The following ADCY3 variants were observed in gnomAD, a reference collection of about 807,000 sequenced individuals.
ADCY3 encodes the protein adenylate cyclase type 3.
Under a neutral mutation model 119.4 loss-of-function variants are expected in ADCY3, and 70 were observed. The observed-to-expected ratio is 0.59, with a 90% CI of 0.48 to 0.72. The LOEUF is 0.72. Ranked by LOEUF, ADCY3 falls within the 30% of genes least tolerant of loss-of-function variation. ADCY3 has a pLI of 0.00. For synonymous variants in ADCY3, 672 were observed against 621.4 expected (o/e 1.08, Z -1.21); for missense variants, 1,238 against 1,541.6 (o/e 0.80, Z 3.30).
At chr2:24,856,746 G>C (rs1411868849) in intron 3 of ADCY3, among the ~76,000 whole-genome samples, 1 of 152,234 alleles carries the variant, frequency 6.6e-6, no homozygotes, top group African/African-American at 2.4e-5. Flanking sequence ...GACAGTCACT[G>C]GTCATCTATG....
chr2:24,873,926 CAG>C (rs779784825), intron 2 of ADCY3, among the ~76,000 whole-genome samples: 13 of 152,228 alleles, frequency 8.5e-5, no homozygotes, highest in Non-Finnish European at 1.8e-4. Context: ...TTCTGGCCCT[CAG>C]GGGATAAAAG....
intron 7 of ADCY3, 35 bp from the exon 8 acceptor site, chr2:24,838,657 C>T (rs777021694): frequency 6.2e-7 from 1 of 1,610,730 alleles, no homozygotes; most frequent in South Asian, 1.1e-5. Context: ...GAGCGTCGGC[C>T]AGAGGTGGCC....
intron 3 of ADCY3, among the ~76,000 whole-genome samples, chr2:24,862,522 G>A (rs947860031): frequency 3.3e-5 from 5 of 149,954 alleles, no homozygotes; most frequent in South Asian, 4.3e-4. Context: ...CTCCAGCCTC[G>A]GGGACAGAGC....
At position 24,899,197 on chromosome 2, in the gene ADCY3, T is replaced by G. The variant is rs1040312631; in HGVS notation, c.675+19116A>C. 2.0e-5 allele frequency among the ~76,000 whole-genome samples: 3 copies of G among 152,190 alleles called. No individual in the cohort carries two copies. The highest frequency in any genetic ancestry group is 7.2e-5 in the African/African-American group (3 of 41,460). On this transcript the variant is annotated intron_variant, in intron 2 of 21. Coordinates refer to ENST00000679454, the MANE Select transcript of ADCY3 (RefSeq NM_004036.5). This position sits in a 1 kb window ranked among gnomAD's most constrained non-coding sequence, Gnocchi z 4.5. ...CCCACAGAGGCCCAGGGAGGTCAGC[T>G]GCGCTGCCCAGGGCCCCAGGCATCC...
chr2:24,820,967 C>A, intron 20 of ADCY3, 119 bp from the exon 21 acceptor site: 1 of 1,419,338 alleles, frequency 7.0e-7, no homozygotes, highest in Non-Finnish European at 9.6e-7. Flanking sequence ...TCATTGTCCT[C>A]ATTCAACTTG....
At chr2:24,830,897 C>G in intron 12 of ADCY3, 72 bp from the exon 13 acceptor site, 2 of 1,218,148 alleles carry the variant, frequency 1.6e-6, no homozygotes, top group Non-Finnish European at 2.4e-6. Context: ...CTGACAGCAA[C>G]TCAGGCTGGT....
At chr2:24,903,043 A>G (rs1482187480) in intron 2 of ADCY3, among the ~76,000 whole-genome samples, 4 of 151,390 alleles carry the variant, frequency 2.6e-5, no homozygotes, top group Non-Finnish European at 5.9e-5. Context: ...GCCACTCAGG[A>G]GGCTGAGGCA....
At chr2:24,893,400 A>G (rs938736815) in intron 2 of ADCY3, among the ~76,000 whole-genome samples, 1 of 151,868 alleles carries the variant, frequency 6.6e-6, no homozygotes, top group Non-Finnish European at 1.5e-5. Flanking sequence ...TTTTTTGTGT[A>G]CAGACAGGGT....
chr2:24,893,574 G>A (rs1191960091), intron 2 of ADCY3, among the ~76,000 whole-genome samples: 1 of 151,044 alleles, frequency 6.6e-6, no homozygotes, highest in Non-Finnish European at 1.5e-5. Context: ...GTTGGTTCTT[G>A]CTTTGTTATC....
At chr2:24,868,602 C>A (rs1317402560) in intron 3 of ADCY3, among the ~76,000 whole-genome samples, 2 of 151,960 alleles carry the variant, frequency 1.3e-5, no homozygotes, top group Non-Finnish European at 2.9e-5. Context: ...CCACTGAACT[C>A]CAGCCTGGGT....
intron 20 of ADCY3, chr2:24,821,054 C>A (rs73923431): frequency 4.9e-5 from 32 of 654,348 alleles, no homozygotes; most frequent in East Asian, 2.1e-4. Context: ...GCCACCCCCC[C>A]CCCATATGCA....
intron 2 of ADCY3, among the ~76,000 whole-genome samples, chr2:24,908,605 C>G (rs148409848): frequency 7.5e-5 from 9 of 120,210 alleles, no homozygotes; most frequent in Non-Finnish European, 1.3e-4. Flanking sequence ...TAGTTTAAAG[C>G]GCCTCTATAT....
chr2:24,875,049 C>T (rs890442994), intron 2 of ADCY3, among the ~76,000 whole-genome samples: 3 of 152,144 alleles, frequency 2.0e-5, no homozygotes, highest in Non-Finnish European at 2.9e-5. Context: ...GACAGTAACT[C>T]CTTGCACAAG....
rs770111722 is a variant in ADCY3, at chr2:24,918,527, TAGG to T, written c.458_460del (p.Ser153del). ...GGCACGCGCGAAGTTCAGGCCCAGG[TAGG>T]AGAAGATCTGGGCGGTTATGAGCAG... On this transcript the variant is annotated inframe_deletion, in exon 2 of 22. Coordinates refer to ENST00000679454, the MANE Select transcript of ADCY3 (RefSeq NM_004036.5). This position sits in a 1 kb window ranked among gnomAD's most constrained non-coding sequence, Gnocchi z 5.4. The T allele has an allele frequency of 8.1e-6, 13 of 1,613,760 alleles. No homozygotes were observed. Among genetic ancestry groups the T allele is most frequent in the East Asian group, 2.2e-5 (1 of 44,892 alleles).
intron 2 of ADCY3, among the ~76,000 whole-genome samples, chr2:24,914,833 T>C (rs977261516): frequency 6.6e-6 from 1 of 152,138 alleles, no homozygotes; most frequent in Non-Finnish European, 1.5e-5. Flanking sequence ...CCTTATCCCC[T>C]GACCTTGCAG....
intron 11 of ADCY3, chr2:24,831,997 CGGGGGCA>C (rs1384278684): frequency 2.4e-5 from 2 of 81,870 alleles, no homozygotes; most frequent in African/African-American, 5.0e-5. Context: ...GGGCAGGGGC[CGGGGGCA>C]GGGGCCAGCA....
rs138812340 is a variant in ADCY3 at position 24,904,711 on chromosome 2, G to A, written c.675+13602C>T. Among the ~76,000 whole-genome samples the A allele has an allele frequency of 1.5e-4, 23 of 150,070 alleles. No homozygotes were observed. In the East Asian group the frequency reaches 3.9e-3, roughly 25 times the overall value. ...GGCTGGAATGCAGTGGCACAATCTC[G>A]GCTCATTGCAACCTCTGCCTCCTGG... is the stretch of plus-strand genomic sequence containing the variant. On this transcript the variant is annotated intron_variant, in intron 2 of 21. Coordinates refer to ENST00000679454, the MANE Select transcript of ADCY3 (RefSeq NM_004036.5).
At chr2:24,909,699 G>A (rs1372244742) in intron 2 of ADCY3, among the ~76,000 whole-genome samples, 2 of 152,130 alleles carry the variant, frequency 1.3e-5, no homozygotes, top group South Asian at 4.1e-4. Flanking sequence ...GCATTCTGTG[G>A]TCACAGAGTA....
intron 3 of ADCY3, among the ~76,000 whole-genome samples, chr2:24,844,455 A>C (rs901286520): frequency 1.3e-5 from 2 of 152,120 alleles, no homozygotes; most frequent in Non-Finnish European, 2.9e-5. Flanking sequence ...GCAGGGGGGC[A>C]CCATGCAAGT....
Sources: gnomAD v4.1 joint callset for allele counts (sites outside exome capture counted in the v4.1 genomes callset) on GRCh38, gnomAD v4.1.1 for gene constraint, Gnocchi (gnomAD v3.1) non-coding constraint, MANE v1.5 for transcripts, NCBI Gene and HGNC (gene_info 2026-07-23, HGNC 2026-07-21) for gene names.